MYO5B: variants seen among roughly 807,000 people sequenced by gnomAD.
MYO5B encodes unconventional myosin-Vb.
Under a neutral mutation model 229.3 loss-of-function variants are expected in MYO5B, and 143 were observed. The observed-to-expected ratio is 0.62, with a 90% CI of 0.54 to 0.72. The LOEUF is 0.72. Among genes scored for constraint, MYO5B ranks in the 30% least tolerant of loss-of-function variants. The pLI is 0.00. For missense variants in MYO5B, 2,321 were observed against 2,331.0 expected, an observed-to-expected ratio of 1.00 and a Z score of 0.09; for synonymous variants, 918 against 885.2, an observed-to-expected ratio of 1.04 and a Z score of -0.66.
At chr18:49,937,931 T>G (rs1167439931) in intron 14 of MYO5B, among the ~76,000 whole-genome samples, 3 of 152,182 alleles carry the variant, frequency 2.0e-5, no homozygotes, top group African/African-American at 7.2e-5. Context: ...GATGACTGCA[T>G]AAATTGGTGA....
intron 1 of MYO5B, among the ~76,000 whole-genome samples, chr18:50,100,957 G>C (rs1021006135): frequency 1.3e-5 from 2 of 152,158 alleles, no homozygotes; most frequent in Non-Finnish European, 2.9e-5. Flanking sequence ...GTTACTATTT[G>C]GCAATTGTTC....
At chr18:50,135,968 C>T (rs1374402989) in intron 1 of MYO5B, among the ~76,000 whole-genome samples, 1 of 152,216 alleles carries the variant, frequency 6.6e-6, no homozygotes, top group Non-Finnish European at 1.5e-5. Flanking sequence ...AGAGAGTGTT[C>T]GTTATCATCC....
chr18:49,827,137 T>C (rs1251290984), intron 39 of MYO5B, among the ~76,000 whole-genome samples: 1 of 152,230 alleles, frequency 6.6e-6, no homozygotes, highest in Non-Finnish European at 1.5e-5. Context: ...AAACAGTGAT[T>C]GTCAACTATC....
intron 10 of MYO5B, 46 bp from the exon 11 acceptor site, chr18:49,963,076 G>A: frequency 6.7e-7 from 1 of 1,493,496 alleles, no homozygotes; most frequent in Non-Finnish European, 9.3e-7. Context: ...TTTCAACAAA[G>A]GAATCACTGG....
At chr18:50,178,864 C>T (rs1192506163) in intron 1 of MYO5B, among the ~76,000 whole-genome samples, 1 of 152,156 alleles carries the variant, frequency 6.6e-6, no homozygotes, top group African/African-American at 2.4e-5. Flanking sequence ...TTTGGTTTCA[C>T]ACTGCCAGTC....
At chr18:50,152,535 T>C (rs1511150) in intron 1 of MYO5B, among the ~76,000 whole-genome samples, 49,855 of 151,988 alleles carry the variant, frequency 0.33, 8,705 homozygotes, top group East Asian at 0.42. Context: ...AGAAGAGAGT[T>C]TGAAAAGCAT....
intron 31 of MYO5B, chr18:49,850,023 T>C: frequency 2.7e-6 from 1 of 364,786 alleles, no homozygotes; most frequent in South Asian, 2.3e-5. Context: ...GGCAGCGCCC[T>C]GGGAAGGAAC....
intron 4 of MYO5B, among the ~76,000 whole-genome samples, chr18:50,004,604 C>G (rs1173496617): frequency 6.6e-6 from 1 of 152,166 alleles, no homozygotes; most frequent in African/African-American, 2.4e-5. Context: ...ACATACTAGG[C>G]ACTTCCCTCC....
intron 1 of MYO5B, among the ~76,000 whole-genome samples, chr18:50,121,376 T>C (rs934235537): frequency 3.9e-5 from 6 of 152,236 alleles, no homozygotes; most frequent in African/African-American, 9.6e-5. Context: ...ACAATTATAG[T>C]ATCAATGACC....
At chr18:50,155,655 C>T (rs1048038437) in intron 1 of MYO5B, among the ~76,000 whole-genome samples, 1 of 152,148 alleles carries the variant, frequency 6.6e-6, no homozygotes, top group Non-Finnish European at 1.5e-5. Context: ...ATTTCCTCTA[C>T]CAGAGTAGAT....
chr18:50,036,594 T>G (rs1275531593), intron 4 of MYO5B, among the ~76,000 whole-genome samples: 1 of 152,198 alleles, frequency 6.6e-6, no homozygotes, highest in Non-Finnish European at 1.5e-5. Flanking sequence ...TGCAAGGAAT[T>G]TATTCCATTG....
chr18:49,925,708 A>G (rs1015217773), intron 17 of MYO5B, among the ~76,000 whole-genome samples: 1 of 152,362 alleles, frequency 6.6e-6, no homozygotes, highest in East Asian at 1.9e-4. Flanking sequence ...GAGTGCAGCC[A>G]GCTGCCCGTG....
At chr18:50,035,854 A>T (rs2026442321) in intron 4 of MYO5B, among the ~76,000 whole-genome samples, 1 of 152,328 alleles carries the variant, frequency 6.6e-6, no homozygotes, top group Middle Eastern at 3.4e-3. Context: ...GAGTATCTAT[A>T]ATGAAGCAGA....
At chr18:49,882,348 A>ATTTTATAGAG (rs201137142) in intron 22 of MYO5B, among the ~76,000 whole-genome samples, 1 of 42,166 alleles carries the variant, frequency 2.4e-5, no homozygotes, top group Admixed American at 3.5e-4. Flanking sequence ...AAACCCGGCC[A>ATTTTATAGAG]GGTACCGTGC....
intron 1 of MYO5B, among the ~76,000 whole-genome samples, chr18:50,060,196 C>T (rs1012340842): frequency 1.3e-5 from 2 of 152,214 alleles, no homozygotes; most frequent in African/African-American, 2.4e-5. Flanking sequence ...TTTAAACACA[C>T]ACACACTGTT....
At chr18:50,155,489 C>A (rs2032664969) in intron 1 of MYO5B, among the ~76,000 whole-genome samples, 1 of 152,150 alleles carries the variant, frequency 6.6e-6, no homozygotes, top group African/African-American at 2.4e-5. Context: ...ACAAAAAAAT[C>A]TTCCTAAGGA....
chr18:49,910,512 G>A (rs754075985), intron 18 of MYO5B, among the ~76,000 whole-genome samples: 7 of 151,688 alleles, frequency 4.6e-5, no homozygotes, highest in Non-Finnish European at 8.8e-5. Context: ...TCAATCAACT[G>A]GAGTCCAGCT....
intron 1 of MYO5B, among the ~76,000 whole-genome samples, chr18:50,136,354 T>G (rs1033919657): frequency 3.0e-5 from 4 of 134,398 alleles, no homozygotes; most frequent in South Asian, 2.3e-4. Context: ...TGTTTTTTGT[T>G]TTTTTTTTAC....
At chr18:49,915,153 A>G in intron 17 of MYO5B, among the ~76,000 whole-genome samples, 1 of 151,758 alleles carries the variant, frequency 6.6e-6, no homozygotes, top group East Asian at 1.9e-4. Flanking sequence ...TTTTTCCTCT[A>G]TGTAAAATGG....
Sources: allele counts gnomAD v4.1 joint callset (sites outside exome capture counted in the v4.1 genomes callset), GRCh38; gene constraint gnomAD v4.1.1; transcripts MANE v1.5; gene names NCBI Gene and HGNC (gene_info 2026-07-23, HGNC 2026-07-21).